The following AMN1 variants were observed in gnomAD, a reference collection of about 807,000 sequenced individuals.
The protein encoded by AMN1 is antagonist of mitotic exit network 1 homolog.
In AMN1, 20 loss-of-function variants were observed where a neutral mutation model predicts 33.0. The observed-to-expected ratio is 0.61, with a 90% confidence interval of 0.43 to 0.88. AMN1 has a LOEUF of 0.88. AMN1 is among the 40% of genes least tolerant of loss of function. AMN1 has a pLI of 0.00. For synonymous variants in AMN1, 114 were observed against 111.9 expected, an observed-to-expected ratio of 1.02 and a Z score of -0.12; for missense variants, 246 against 307.4, an observed-to-expected ratio of 0.80 and a Z score of 1.49.
At chr12:31,723,360 T>C (rs893898728) in intron 1 of AMN1, among the ~76,000 whole-genome samples, 3 of 152,146 alleles carry the variant, frequency 2.0e-5, no homozygotes, top group African/African-American at 7.2e-5. Flanking sequence ...GTTTTTGGTT[T>C]TCCAGACCAC....
At chr12:31,703,173 G>A (rs1270673172) in intron 2 of AMN1, among the ~76,000 whole-genome samples, 1 of 152,092 alleles carries the variant, frequency 6.6e-6, no homozygotes. Context: ...CCAACATAAA[G>A]AACATAGCCA....
At chr12:31,711,451 T>G (rs1340430451) in intron 1 of AMN1, among the ~76,000 whole-genome samples, 1 of 152,224 alleles carries the variant, frequency 6.6e-6, no homozygotes, top group Non-Finnish European at 1.5e-5. Flanking sequence ...GTGAAAATGA[T>G]GTCTCACTAT....
chr12:31,692,147 G>T (rs1938528523), intron 5 of AMN1, among the ~76,000 whole-genome samples: 1 of 151,886 alleles, frequency 6.6e-6, no homozygotes, highest in Non-Finnish European at 1.5e-5. Context: ...AAAGTGTTGG[G>T]ATTACAGGTG....
chr12:31,677,233 G>C (rs2139651999), intron 6 of AMN1, among the ~76,000 whole-genome samples: 1 of 152,270 alleles, frequency 6.6e-6, no homozygotes, highest in South Asian at 2.1e-4. Flanking sequence ...CTGGGAGGCG[G>C]AGCTTGCAGT....
chr12:31,681,384 A>G (rs1318414066), intron 6 of AMN1, among the ~76,000 whole-genome samples: 1 of 152,080 alleles, frequency 6.6e-6, no homozygotes, highest in Admixed American at 6.5e-5. Context: ...ATACATCATC[A>G]TGCCTGGCTA....
chr12:31,722,194 G>C (rs1939903706), intron 1 of AMN1, among the ~76,000 whole-genome samples: 2 of 151,316 alleles, frequency 1.3e-5, no homozygotes, highest in African/African-American at 4.9e-5. Flanking sequence ...TATTGTTAAT[G>C]TGTTACAGTT....
At chr12:31,673,138 A>C (rs960335708) in intron 6 of AMN1, 1 of 152,182 alleles carries the variant, frequency 6.6e-6, no homozygotes, top group African/African-American at 2.4e-5. Flanking sequence ...AATATTACTC[A>C]TAAGTTTAAT....
At chr12:31,699,395 CAAAAAAAAAAAAAA>C (rs34860207) in intron 3 of AMN1, among the ~76,000 whole-genome samples, 1,072 of 36,890 alleles carry the variant, frequency 0.029, 24 homozygotes, top group African/African-American at 0.12. Context: ...GACTCTGTCT[CAAAAAAAAAAAAAA>C]AAAAAAAAAA....
chr12:31,709,521 A>C (rs1939387859), intron 1 of AMN1, 96 bp from the exon 2 acceptor site: 3 of 1,443,478 alleles, frequency 2.1e-6, no homozygotes, highest in Admixed American at 2.3e-5. Context: ...CCCTTTCATA[A>C]AAGTGTGTAC....
upstream of AMN1, chr12:31,729,046 C>A (rs762331161): frequency 5.9e-5 from 89 of 1,511,788 alleles, no homozygotes; most frequent in East Asian, 7.4e-4. Context: ...GGTCCCAGGG[C>A]CTCCAGAACC....
intron 1 of AMN1, chr12:31,714,987 G>A: frequency 1.3e-6 from 1 of 770,268 alleles, no homozygotes; most frequent in Non-Finnish European, 1.6e-6. Flanking sequence ...ATTAAAAAAT[G>A]AACAAATATT....
In AMN1 at chr12:31,702,011, T is replaced by C; in HGVS notation, c.172-4A>G. 6.3e-7 allele frequency: 1 copy of C among 1,583,540 alleles called. No individual in the cohort carries two copies. The highest frequency in any genetic ancestry group is 8.5e-7 in the Non-Finnish European group (1 of 1,169,878). On this transcript the variant is annotated splice_polypyrimidine_tract_variant and splice_region_variant and intron_variant, in intron 2 of 6. Coordinates refer to ENST00000281471, the MANE Select transcript of AMN1 (RefSeq NM_001113402.2). Reference sequence around the variant, plus strand: ...TTTGGACTTCAGGATGTAAAATCTATAACAAATAAGTGATTTTGAAAAAAT... The same window carrying C: ...TTTGGACTTCAGGATGTAAAATCTACAACAAATAAGTGATTTTGAAAAAAT...
chr12:31,708,336 C>A (rs941069079), intron 2 of AMN1, among the ~76,000 whole-genome samples: 1 of 152,086 alleles, frequency 6.6e-6, no homozygotes, highest in Non-Finnish European at 1.5e-5. Context: ...CTGTCCTATG[C>A]GGTTGAGATA....
chr12:31,689,114 A>T lies in AMN1; in HGVS notation c.596T>A (p.Ile199Asn). The change falls in exon 6 of 7, where the codon ATT becomes AAT. Residue 199 changes from isoleucine (I) to asparagine (N), a missense_variant. Physicochemically the swap from Ile to Asn is moderately radical, Grantham distance 149 (BLOSUM62 -3). Coordinates refer to ENST00000281471, the MANE Select transcript of AMN1 (RefSeq NM_001113402.2). The stretch of plus-strand genomic sequence containing the variant: ...CAGATTTACACAATGTCCCATATGA[A>T]TCTCCTATGCAAAAATAAAGAAAAT... ...SGPCAKKLEE[I>N]HMGHCVNLTD... 6.2e-7 allele frequency: 1 copy of T among 1,602,786 alleles called. No homozygotes were observed. The highest frequency in any genetic ancestry group is 8.5e-7 in the Non-Finnish European group (1 of 1,170,834).
chr12:31,693,852 A>T (rs917130295), intron 5 of AMN1, among the ~76,000 whole-genome samples: 2 of 150,396 alleles, frequency 1.3e-5, no homozygotes, highest in East Asian at 4.0e-4. Context: ...TGTATTTTTC[A>T]TAGAGACAAG....
intron 1 of AMN1, chr12:31,719,248 T>TA (rs1939794621): frequency 1.9e-6 from 1 of 540,120 alleles, no homozygotes; most frequent in African/African-American, 2.1e-5. Context: ...TCGCCCATCT[T>TA]CTGCGTCAAT....
chr12:31,718,298 T>C (rs961917059), intron 1 of AMN1, among the ~76,000 whole-genome samples: 7 of 152,060 alleles, frequency 4.6e-5, no homozygotes, highest in Non-Finnish European at 1.0e-4. Flanking sequence ...CTGGTTATTC[T>C]AGTTAGCAGT....
chr12:31,711,926 T>A (rs1939483146), intron 1 of AMN1, among the ~76,000 whole-genome samples: 1 of 152,214 alleles, frequency 6.6e-6, no homozygotes, highest in Non-Finnish European at 1.5e-5. Context: ...CCACTTTTTT[T>A]TAGTTCCCAC....
chr12:31,710,525 T>C (rs1378012407), intron 1 of AMN1, among the ~76,000 whole-genome samples: 1 of 150,412 alleles, frequency 6.6e-6, no homozygotes, highest in Non-Finnish European at 1.5e-5. Flanking sequence ...GTAGCATATA[T>C]TCTTTCTTAT....
Sources: gnomAD v4.1 joint callset for allele counts (sites outside exome capture counted in the v4.1 genomes callset) on GRCh38, gnomAD v4.1.1 for gene constraint, MANE v1.5 for transcripts, NCBI Gene and HGNC (gene_info 2026-07-23, HGNC 2026-07-21) for gene names.